Variants in TAFA2 observed in about 807,000 individuals in gnomAD.
The protein encoded by TAFA2 is chemokine-like protein TAFA-2.
In TAFA2, 7 loss-of-function variants were observed where a neutral mutation model predicts 18.8. The ratio of observed to expected loss-of-function variants is 0.37; its 90% confidence interval spans 0.21 to 0.70. TAFA2 has a LOEUF of 0.70. Ranked by LOEUF, TAFA2 falls within the 30% of genes least tolerant of loss-of-function variation. The pLI is 0.53. For missense variants in TAFA2, 122 were observed against 158.1 expected (o/e 0.77, Z 1.23); for synonymous variants, 60 against 54.2 (o/e 1.11, Z -0.47).
intron 4 of TAFA2, among the ~76,000 whole-genome samples, chr12:61,740,232 G>A (rs1274601677): frequency 6.6e-6 from 1 of 151,878 alleles, no homozygotes; most frequent in Non-Finnish European, 1.5e-5. Flanking sequence ...CACAGGAACA[G>A]AAAACCAAAA....
intron 1 of TAFA2, among the ~76,000 whole-genome samples, chr12:62,107,688 T>C (rs1400926698): frequency 3.9e-5 from 6 of 152,172 alleles, no homozygotes; most frequent in African/African-American, 1.2e-4. Context: ...TGTTCATTTT[T>C]TTTAGTGCAA....
chr12:61,717,234 G>T (rs754702303), intron 4 of TAFA2, among the ~76,000 whole-genome samples: 8 of 152,132 alleles, frequency 5.3e-5, no homozygotes, highest in Middle Eastern at 3.2e-3. Flanking sequence ...ATATCTTAAA[G>T]CACCTCATGC....
intron 2 of TAFA2, among the ~76,000 whole-genome samples, chr12:61,798,055 A>G (rs1871259120): frequency 6.6e-6 from 1 of 152,242 alleles, no homozygotes; most frequent in Admixed American, 6.5e-5. Context: ...ACATACGACT[A>G]TATAACCACC....
chr12:62,004,526 G>T (rs1022883720), intron 1 of TAFA2, among the ~76,000 whole-genome samples: 1 of 152,158 alleles, frequency 6.6e-6, no homozygotes, highest in Admixed American at 6.5e-5. Flanking sequence ...GTAGGAACAA[G>T]CATCTAGTCT....
In TAFA2 at chr12:62,065,517, A is replaced by C. The variant is rs762316294; in HGVS notation, c.-2+125742T>G. 5.9e-5 allele frequency among the ~76,000 whole-genome samples: 9 copies of C among 152,154 alleles called. No homozygotes were observed. The Middle Eastern group carries it at 0.01, about 173-fold the overall frequency. ...GTGCACTTGAAAACTCCAAATCATA[A>C]TCAGTATTGAAACTAAAATATGTGT... On this transcript the variant is annotated intron_variant, in intron 1 of 4. Transcript: ENST00000416284.
intron 2 of TAFA2, among the ~76,000 whole-genome samples, chr12:61,845,703 T>G (rs1873375647): frequency 6.6e-6 from 1 of 152,158 alleles, no homozygotes; most frequent in Admixed American, 6.6e-5. Context: ...ATCTTAGCAT[T>G]TGGACTTACA....
At chr12:61,823,534 G>T (rs951744473) in intron 2 of TAFA2, among the ~76,000 whole-genome samples, 1 of 152,194 alleles carries the variant, frequency 6.6e-6, no homozygotes, top group South Asian at 2.1e-4. Context: ...ACTCCGTCTC[G>T]GCATTGCTGT....
intron 1 of TAFA2, among the ~76,000 whole-genome samples, chr12:61,959,374 T>C (rs184302688): frequency 6.6e-6 from 1 of 152,184 alleles, no homozygotes; most frequent in East Asian, 1.9e-4. Context: ...TTTGTATAGG[T>C]CTGCTACTCT....
At chr12:62,146,102 A>G (rs2062278888) in intron 1 of TAFA2, among the ~76,000 whole-genome samples, 1 of 152,002 alleles carries the variant, frequency 6.6e-6, no homozygotes, top group Admixed American at 6.6e-5. Flanking sequence ...GCCAAATCTA[A>G]CATCTATCCT....
intron 1 of TAFA2, among the ~76,000 whole-genome samples, chr12:62,112,019 A>T (rs1869755199): frequency 6.6e-6 from 1 of 152,098 alleles, no homozygotes; most frequent in Non-Finnish European, 1.5e-5. Flanking sequence ...TGTGAATTTG[A>T]TCCTGTCATT....
intron 1 of TAFA2, chr12:62,234,878 G>A: frequency 9.7e-7 from 1 of 1,026,266 alleles, no homozygotes; most frequent in Non-Finnish European, 1.5e-6. Context: ...TCAGCTCGGG[G>A]CATCCCACGA....
intron 1 of TAFA2, among the ~76,000 whole-genome samples, chr12:62,240,203 G>A (rs1017584617): frequency 1.3e-5 from 2 of 151,992 alleles, no homozygotes; most frequent in African/African-American, 2.4e-5. Flanking sequence ...CGGATCACCT[G>A]AGGTCAGGAG....
chr12:62,121,028 A>G (rs113244185), intron 1 of TAFA2, among the ~76,000 whole-genome samples: 28 of 151,826 alleles, frequency 1.8e-4, no homozygotes, highest in African/African-American at 6.5e-4. Context: ...CTAATTTTGT[A>G]TTTTTAGTAG....
At chr12:62,227,473 T>G (rs1453181148) in intron 1 of TAFA2, among the ~76,000 whole-genome samples, 1 of 152,180 alleles carries the variant, frequency 6.6e-6, no homozygotes, top group Non-Finnish European at 1.5e-5. Flanking sequence ...TTAAAGTAAA[T>G]TATTTGTTTT....
chr12:61,931,360 G>A (rs1877547280), intron 1 of TAFA2, among the ~76,000 whole-genome samples: 2 of 152,126 alleles, frequency 1.3e-5, no homozygotes, highest in African/African-American at 2.4e-5. Flanking sequence ...TGAAAATATT[G>A]TAATATTCCA....
At chr12:61,899,738 A>G (rs1173083763) in intron 1 of TAFA2, among the ~76,000 whole-genome samples, 1 of 152,326 alleles carries the variant, frequency 6.6e-6, no homozygotes, top group South Asian at 2.1e-4. Context: ...GATCAAAAAT[A>G]TTCAAAAAAT....
intron 2 of TAFA2, among the ~76,000 whole-genome samples, chr12:61,764,939 C>T (rs987405866): frequency 6.6e-6 from 1 of 152,020 alleles, no homozygotes; most frequent in Non-Finnish European, 1.5e-5. Flanking sequence ...GTCAATTCCA[C>T]GAGAGAGATC....
chr12:61,827,221 A>T lies in TAFA2; in HGVS notation c.106+40099T>A, dbSNP rs567738357. 4 of 152,166 alleles carry T rather than the reference A, an allele frequency of 2.6e-5. No individual in the cohort carries two copies. In the East Asian group the frequency reaches 7.8e-4, roughly 30 times the overall value. The allele number at this position is 152,166 out of a possible 1,614,324, so 9.4% of individuals were successfully genotyped here. Reference sequence around the variant, plus strand: ...TGAGGAGATCACACTAAGGGGCTTGAGCAACAAGAGAGAATTCTTCACACT... The same window carrying T: ...TGAGGAGATCACACTAAGGGGCTTGTGCAACAAGAGAGAATTCTTCACACT... On this transcript the variant is annotated intron_variant, in intron 2 of 4. Coordinates refer to ENST00000416284, the MANE Select transcript of TAFA2 (RefSeq NM_178539.5).
At chr12:62,158,916 A>C (rs1358708) in intron 1 of TAFA2, among the ~76,000 whole-genome samples, 146,396 of 152,270 alleles carry the variant, frequency 0.96, 70,632 homozygotes, top group East Asian at 1. Flanking sequence ...ACCTTCAACT[A>C]ATTTGAAGCA....
Sources: gnomAD v4.1 joint callset for allele counts (sites outside exome capture counted in the v4.1 genomes callset) on GRCh38, gnomAD v4.1.1 for gene constraint, MANE v1.5 for transcripts, NCBI Gene and HGNC (gene_info 2026-07-23, HGNC 2026-07-21) for gene names.